Variants in DLEU7 observed in about 807,000 individuals in gnomAD.
The protein encoded by DLEU7 is leukemia-associated protein 7.
DLEU7 carries 17 observed loss-of-function variants against 16.0 expected under a neutral mutation model. The observed-to-expected ratio is 1.06, with a 90% CI of 0.73 to 1.59. DLEU7 has a LOEUF of 1.59. Ranked by LOEUF, DLEU7 falls within the 40% of genes most tolerant of loss-of-function variation. The pLI is 0.00. For synonymous variants in DLEU7, 113 were observed against 139.8 expected (o/e 0.81, Z 1.35); for missense variants, 308 against 314.9 (o/e 0.98, Z 0.17).
intron 1 of DLEU7, among the ~76,000 whole-genome samples, chr13:50,815,166 G>A (rs994151388): frequency 1.3e-5 from 2 of 152,072 alleles, no homozygotes; most frequent in Non-Finnish European, 2.9e-5. Context: ...GTTATCAACA[G>A]TGTTTAAAAC....
intron 1 of DLEU7, among the ~76,000 whole-genome samples, chr13:50,762,189 C>CAAAAAAAAAA (rs71085045): frequency 2.4e-5 from 2 of 84,290 alleles, no homozygotes; most frequent in Non-Finnish European, 4.6e-5. Flanking sequence ...AGACTCGTCT[C>CAAAAAAAAAA]AAAAAAAAAA....
intron 1 of DLEU7, among the ~76,000 whole-genome samples, chr13:50,776,410 G>T (rs1317097120): frequency 6.6e-6 from 1 of 152,194 alleles, no homozygotes; most frequent in Admixed American, 6.5e-5. Context: ...CTGCACCTTT[G>T]TGAGCTCTTT....
chr13:50,729,392 A>G (rs1253011285), intron 1 of DLEU7, among the ~76,000 whole-genome samples: 1 of 152,182 alleles, frequency 6.6e-6, no homozygotes, highest in East Asian at 1.9e-4. Flanking sequence ...ATAGTATTCC[A>G]TGATATATAT....
At chr13:50,733,507 A>G (rs1320612221) in intron 1 of DLEU7, among the ~76,000 whole-genome samples, 1 of 152,106 alleles carries the variant, frequency 6.6e-6, no homozygotes, top group African/African-American at 2.4e-5. Flanking sequence ...TTCTGGACTC[A>G]TAACACCACC....
chr13:50,765,461 A>G (rs531619465), intron 1 of DLEU7, among the ~76,000 whole-genome samples: 2 of 152,262 alleles, frequency 1.3e-5, no homozygotes, highest in African/African-American at 4.8e-5. Flanking sequence ...AGGAGAAAGA[A>G]GAGGAGGGAA....
chr13:50,727,495 A>G (rs1250190939), intron 1 of DLEU7, among the ~76,000 whole-genome samples: 1 of 152,062 alleles, frequency 6.6e-6, no homozygotes, highest in Non-Finnish European at 1.5e-5. Flanking sequence ...TTTGCCACCG[A>G]GTTGTTCATC....
At chr13:50,764,635 A>G (rs924431470) in intron 1 of DLEU7, among the ~76,000 whole-genome samples, 2 of 152,242 alleles carry the variant, frequency 1.3e-5, no homozygotes, top group South Asian at 2.1e-4. Context: ...TTTGATCATC[A>G]TTCATAGAAG....
At chr13:50,711,758 C>G (rs1873289728), downstream of DLEU7, 1 of 101,738 alleles carries the variant, frequency 9.8e-6, no homozygotes, top group African/African-American at 4.4e-5. Flanking sequence ...TTAACCCTCA[C>G]AATGACCCAG....
intron 1 of DLEU7, among the ~76,000 whole-genome samples, chr13:50,721,194 G>A (rs1039229972): frequency 2.0e-5 from 3 of 152,176 alleles, no homozygotes; most frequent in Non-Finnish European, 1.5e-5. Flanking sequence ...TCGAACATCA[G>A]ACTCCAAGTT....
chr13:50,725,169 G>A (rs1873733652), intron 1 of DLEU7, among the ~76,000 whole-genome samples: 1 of 152,124 alleles, frequency 6.6e-6, no homozygotes. Context: ...CTGGCCACAA[G>A]TATGAAGTGT....
At chr13:50,794,192 A>G (rs1876045801) in intron 1 of DLEU7, among the ~76,000 whole-genome samples, 1 of 152,174 alleles carries the variant, frequency 6.6e-6, no homozygotes, top group South Asian at 2.1e-4. Context: ...TCCTAGCTCA[A>G]CGATGCCCAG....
chr13:50,754,661 C>A (rs675241), intron 1 of DLEU7, among the ~76,000 whole-genome samples: 25,200 of 152,132 alleles, frequency 0.17, 2,212 homozygotes, highest in East Asian at 0.21. Context: ...AGCATTTAAG[C>A]CATTAACATC....
intron 1 of DLEU7, among the ~76,000 whole-genome samples, chr13:50,758,519 C>T (rs77679676): frequency 3.9e-5 from 6 of 152,316 alleles, no homozygotes; most frequent in African/African-American, 1.4e-4. Context: ...GCCTCTGGCT[C>T]AGTAGCTTTC....
At chr13:50,816,022 A>G (rs981047904) in intron 1 of DLEU7, among the ~76,000 whole-genome samples, 1 of 152,124 alleles carries the variant, frequency 6.6e-6, no homozygotes, top group African/African-American at 2.4e-5. Context: ...CAATTACATC[A>G]AATGTGTTCT....
At chr13:50,811,392 A>G (rs1876561910) in intron 1 of DLEU7, among the ~76,000 whole-genome samples, 1 of 152,026 alleles carries the variant, frequency 6.6e-6, no homozygotes, top group African/African-American at 2.4e-5. Flanking sequence ...GCCTCCAGCA[A>G]TCCATGGCTT....
chr13:50,763,526 G>A (rs960219788), intron 1 of DLEU7, among the ~76,000 whole-genome samples: 3 of 152,214 alleles, frequency 2.0e-5, no homozygotes, highest in Admixed American at 2.0e-4. Flanking sequence ...GGTGAAGCAA[G>A]AATGTTCAGA....
chr13:50,770,938 T>C (rs1399882978), intron 1 of DLEU7, among the ~76,000 whole-genome samples: 1 of 152,228 alleles, frequency 6.6e-6, no homozygotes, highest in East Asian at 1.9e-4. Flanking sequence ...ATTGCCTCAA[T>C]TTCCGAGCCT....
intron 1 of DLEU7, among the ~76,000 whole-genome samples, chr13:50,816,901 C>T (rs571255690): frequency 2.6e-5 from 4 of 152,216 alleles, no homozygotes; most frequent in African/African-American, 9.6e-5. Flanking sequence ...CCGCCACACA[C>T]ACACACGGCG....
chr13:50,843,769 A>T, upstream of DLEU7: 4 of 1,318,620 alleles, frequency 3.0e-6, no homozygotes, highest in African/African-American at 1.6e-5. This position sits in a 1 kb window ranked among gnomAD's most constrained non-coding sequence, Gnocchi z 5.7. Flanking sequence ...TGGGTCTCAC[A>T]GCGTGTGTGG....
Sources: gnomAD v4.1 joint callset for allele counts (sites outside exome capture counted in the v4.1 genomes callset) on GRCh38, gnomAD v4.1.1 for gene constraint, Gnocchi (gnomAD v3.1) non-coding constraint, MANE v1.5 for transcripts, NCBI Gene and HGNC (gene_info 2026-07-23, HGNC 2026-07-21) for gene names.